The following CCDC149 variants were observed in gnomAD, a reference collection of about 807,000 sequenced individuals.
CCDC149 encodes the protein coiled-coil domain containing 149.
Under a neutral mutation model 59.9 loss-of-function variants are expected in CCDC149, and 45 were observed. The ratio of observed to expected loss-of-function variants is 0.75; its 90% CI spans 0.59 to 0.96. The LOEUF is 0.96. CCDC149 is among the 40% of genes least tolerant of loss of function. The pLI, the probability that CCDC149 is intolerant of heterozygous loss-of-function variation, is 0.00. For synonymous variants in CCDC149, 245 were observed against 260.6 expected (o/e 0.94, Z 0.58); for missense variants, 584 against 664.7 (o/e 0.88, Z 1.33).
chr4:24,838,944 T>TG (rs959446311), intron 4 of CCDC149, among the ~76,000 whole-genome samples: 2 of 150,788 alleles, frequency 1.3e-5, no homozygotes, highest in Non-Finnish European at 2.9e-5. Flanking sequence ...CCATGTTAAG[T>TG]GGGGGAAAAA....
At chr4:24,822,311 C>T (rs1715457771) in intron 10 of CCDC149, among the ~76,000 whole-genome samples, 186 bp downstream of exon 10, 1 of 151,998 alleles carries the variant, frequency 6.6e-6, no homozygotes, top group Admixed American at 6.6e-5. Context: ...GATTCTACCC[C>T]CACCCTGCCA....
chr4:24,804,024 GA>G (rs1032767413), downstream of CCDC149, among the ~76,000 whole-genome samples: 1 of 152,090 alleles, frequency 6.6e-6, no homozygotes, highest in African/African-American at 2.4e-5. Flanking sequence ...CTCTCTTCAG[GA>G]AGACACCTGG....
intron 9 of CCDC149, among the ~76,000 whole-genome samples, chr4:24,825,588 A>G (rs1577385031): frequency 1.3e-5 from 2 of 152,156 alleles, no homozygotes; most frequent in East Asian, 3.9e-4. Flanking sequence ...CCTGGCTAAC[A>G]TGGTGAAACC....
At chr4:24,815,791 T>C (rs528498326) in intron 12 of CCDC149, among the ~76,000 whole-genome samples, 121 of 152,316 alleles carry the variant, frequency 7.9e-4, no homozygotes, top group Admixed American at 1.6e-3. Context: ...TCTCTTTTAA[T>C]ATGGGAAACC....
chr4:24,947,704 C>T (rs1723157269), intron 1 of CCDC149, among the ~76,000 whole-genome samples: 2 of 152,144 alleles, frequency 1.3e-5, no homozygotes, highest in South Asian at 4.1e-4. Context: ...CACCACTCAT[C>T]TTGTGGGCTT....
At chr4:24,833,596 C>A (rs559020380) in intron 8 of CCDC149, among the ~76,000 whole-genome samples, 6 of 152,192 alleles carry the variant, frequency 3.9e-5, no homozygotes, top group African/African-American at 1.4e-4. Flanking sequence ...TGCACTCCAG[C>A]CTGGGCAACA....
intron 3 of CCDC149, among the ~76,000 whole-genome samples, chr4:24,862,199 A>T (rs1255477644): frequency 6.6e-6 from 1 of 152,206 alleles, no homozygotes; most frequent in African/African-American, 2.4e-5. Context: ...AGGTGATAAT[A>T]CCTGCTGTGG....
At position 24,837,237 on chromosome 4, in the gene CCDC149, A is replaced by G; in HGVS notation, c.653T>C (p.Met218Thr). The change falls in exon 6 of 13, where the codon ATG becomes ACG. Residue 218 changes from methionine (M) to threonine (T), a missense_variant. Physicochemically the swap from Met to Thr is moderately conservative, Grantham distance 81 (BLOSUM62 -1). Coordinates refer to ENST00000635206, the MANE Select transcript of CCDC149 (RefSeq NM_001330643.2). This position sits in a 1 kb window ranked among gnomAD's most constrained non-coding sequence, Gnocchi z 4.3. ...GGGCCTGGCCACTTGCCTGTTCTCC[A>G]TACACAGGGCGTCCACGTCAATGAT... The G allele has an allele frequency of 6.2e-7, 1 of 1,614,132 alleles. No homozygotes were observed. The highest frequency in any genetic ancestry group is 1.7e-4 in the Middle Eastern group (1 of 6,058).
chr4:24,859,949 C>T (rs1718271782), intron 3 of CCDC149, among the ~76,000 whole-genome samples: 1 of 152,176 alleles, frequency 6.6e-6, no homozygotes, highest in South Asian at 2.1e-4. Flanking sequence ...AAAGACAACA[C>T]AACCAAATAG....
At chr4:24,821,721 G>A (rs1031119218) in intron 10 of CCDC149, among the ~76,000 whole-genome samples, 23 of 152,204 alleles carry the variant, frequency 1.5e-4, no homozygotes, top group African/African-American at 4.8e-4. Flanking sequence ...CCAGGGAAAG[G>A]GGAGATGGTG....
At chr4:24,908,855 A>AT (rs1471982628) in intron 1 of CCDC149, among the ~76,000 whole-genome samples, 1 of 152,244 alleles carries the variant, frequency 6.6e-6, no homozygotes, top group East Asian at 1.9e-4. Flanking sequence ...GTGAAATGGA[A>AT]TTATGTATAG....
At chr4:24,923,278 A>T (rs1312622108) in intron 1 of CCDC149, among the ~76,000 whole-genome samples, 1 of 152,210 alleles carries the variant, frequency 6.6e-6, no homozygotes. Context: ...TTACAAGTTC[A>T]TTAAATAACA....
At chr4:24,962,488 G>A (rs73105517) in intron 1 of CCDC149, among the ~76,000 whole-genome samples, 4,417 of 152,214 alleles carry the variant, frequency 0.029, 155 homozygotes, top group African/African-American at 0.081. Flanking sequence ...TATACCCAGC[G>A]GACTATCCGC....
chr4:24,941,036 C>T (rs956531663), intron 1 of CCDC149, among the ~76,000 whole-genome samples: 2 of 152,240 alleles, frequency 1.3e-5, no homozygotes, highest in East Asian at 1.9e-4. Flanking sequence ...CAGCTCTGCA[C>T]CAAGCAGACC....
Position 24,905,414 on chromosome 4 carries a change from CGTGTGT to C in CCDC149, c.63+7397_63+7402del, listed in dbSNP as rs1163234474. Among the ~76,000 whole-genome samples the C allele has an allele frequency of 3.3e-3, 262 of 78,692 alleles. 1 individual carries two copies. Among genetic ancestry groups the C allele is most frequent in the Middle Eastern group, 0.014 (2 of 138 alleles). 51.6% of individuals were successfully genotyped at this position (78,692 alleles called of 152,430 possible). A position where few individuals can be genotyped will look rare whatever the true frequency, so the allele number is the denominator to read the frequency against. On this transcript the variant is annotated intron_variant, in intron 1 of 12. Transcript: ENST00000635206. ...AGTCTTCTTTCTTTTTGCGTGCGTG[CGTGTGT>C]GTGTGTGTGTGTGTGTGTGTGTGTG...
intron 1 of CCDC149, among the ~76,000 whole-genome samples, chr4:24,928,553 C>G (rs756263567): frequency 3.9e-5 from 6 of 152,224 alleles, no homozygotes; most frequent in African/African-American, 9.6e-5. Flanking sequence ...CTAACCATGA[C>G]TGGGTGATCC....
chr4:24,859,236 T>C (rs1188684281), intron 3 of CCDC149, among the ~76,000 whole-genome samples: 1 of 152,232 alleles, frequency 6.6e-6, no homozygotes, highest in African/African-American at 2.4e-5. Context: ...TTATATTAGA[T>C]GATTTTGCCC....
At chr4:24,934,414 G>A (rs187550004) in intron 1 of CCDC149, among the ~76,000 whole-genome samples, 167 of 152,258 alleles carry the variant, frequency 1.1e-3, no homozygotes, top group African/African-American at 3.8e-3. Context: ...CCAGCCATGT[G>A]GAACTGTAAG....
rs538901241 is a variant in CCDC149, at chr4:24,977,212, G to C, written c.-65+2857C>G. 4.4e-4 allele frequency among the ~76,000 whole-genome samples: 67 copies of C among 152,292 alleles called. 1 individual carries two copies. The highest frequency in any genetic ancestry group is 1.6e-3 in the African/African-American group (66 of 41,560). On this transcript the variant is annotated intron_variant, in intron 1 of 12. Coordinates refer to the CCDC149 transcript ENST00000389609. Reference sequence around the variant, plus strand: ...GCATGGACCCAAGCCCCATCAATGAGCTCCTTCCCCAGGACATTGGCTGGA... The same window carrying C: ...GCATGGACCCAAGCCCCATCAATGACCTCCTTCCCCAGGACATTGGCTGGA...
Sources: gnomAD v4.1 joint callset for allele counts (sites outside exome capture counted in the v4.1 genomes callset) on GRCh38, gnomAD v4.1.1 for gene constraint, Gnocchi (gnomAD v3.1) non-coding constraint, MANE v1.5 for transcripts, NCBI Gene and HGNC (gene_info 2026-07-23, HGNC 2026-07-21) for gene names.